EPB41: variants seen among roughly 807,000 people sequenced by gnomAD.
EPB41 encodes erythrocyte membrane protein band 4.1.
A neutral mutation model predicts 108.0 loss-of-function variants in EPB41; 65 were observed. The ratio of observed to expected loss-of-function variants is 0.60; its 90% CI spans 0.49 to 0.74. The LOEUF is 0.74. Among genes scored for constraint, EPB41 ranks in the 30% least tolerant of loss-of-function variants. The pLI, the probability that EPB41 is intolerant of heterozygous loss-of-function variation, is 0.00. For missense variants in EPB41, 875 were observed against 1,037.0 expected (o/e 0.84, Z 2.15); for synonymous variants, 336 against 358.9 (o/e 0.94, Z 0.72).
chr1:28,943,378 C>T (rs954838338), intron 1 of EPB41, among the ~76,000 whole-genome samples: 3 of 152,128 alleles, frequency 2.0e-5, no homozygotes, highest in Admixed American at 1.3e-4. Flanking sequence ...TGAGGCCGGG[C>T]GCTGTGGCTC....
At position 28,942,015 on chromosome 1, in the gene EPB41, G is replaced by A. The variant is rs372932346; in HGVS notation, c.-8+27247G>A. On this transcript the variant is annotated intron_variant, in intron 1 of 20. Transcript: ENST00000343067. ...TAAAGACCAAAACTAAAAATTACCC[G>A]TAATCCTATTAATGCTAATACTATA... Among the ~76,000 whole-genome samples, 39 of 151,632 alleles carry A rather than the reference G, an allele frequency of 2.6e-4. No individual in the cohort carries two copies. In the South Asian group the frequency reaches 3.3e-3, roughly 13 times the overall value.
upstream of EPB41, among the ~76,000 whole-genome samples, chr1:28,912,525 G>A (rs1466424791): frequency 6.6e-6 from 1 of 152,074 alleles, no homozygotes; most frequent in Non-Finnish European, 1.5e-5. Context: ...TTTAGTCTCT[G>A]AATAGTAATA....
rs1671406823 is a variant in EPB41, at chr1:29,118,833, G to A, written c.*2021G>A. The A allele has an allele frequency of 6.6e-6, 1 of 152,200 alleles. No homozygotes were observed. The allele number at this position is 152,200 out of a possible 1,614,324, so 9.4% of individuals were successfully genotyped here. A position where few individuals can be genotyped will look rare whatever the true frequency, so the allele number is the denominator to read the frequency against. ...GGTAGTGCCCAAGCCTGGTCGTGTT[G>A]CCAGGAGTGGTGACAAGAAATGCAG... On this transcript the variant is annotated 3_prime_UTR_variant, in exon 21 of 21. Transcript: ENST00000343067.
intron 16 of EPB41, among the ~76,000 whole-genome samples, chr1:29,078,600 A>T (rs1003084779): frequency 6.6e-6 from 1 of 152,002 alleles, no homozygotes. Flanking sequence ...CCAAAAAAAA[A>T]TTAGCTGGGC....
chr1:29,106,563 G>GGTTTTT (rs1558324414), intron 17 of EPB41, among the ~76,000 whole-genome samples: 3 of 37,148 alleles, frequency 8.1e-5, no homozygotes, highest in South Asian at 9.6e-4. Context: ...GAGTAGCTGG[G>GGTTTTT]ATTTTTTTTT....
At chr1:28,988,194 A>G (rs2149527540) in intron 2 of EPB41, among the ~76,000 whole-genome samples, 1 of 152,282 alleles carries the variant, frequency 6.6e-6, no homozygotes, top group East Asian at 1.9e-4. Context: ...CGGGAGGCGG[A>G]GGCTGCAGTG....
At chr1:29,002,378 G>A (rs2096311209) in intron 4 of EPB41, among the ~76,000 whole-genome samples, 1 of 151,782 alleles carries the variant, frequency 6.6e-6, no homozygotes, top group African/African-American at 2.4e-5. Flanking sequence ...CCTGAGCCTG[G>A]GAAGGTGAGG....
intron 1 of EPB41, among the ~76,000 whole-genome samples, chr1:28,896,422 G>A (rs1037373806): frequency 1.3e-5 from 2 of 152,180 alleles, no homozygotes; most frequent in African/African-American, 4.8e-5. Context: ...CCCTTTTCTA[G>A]TCATCTGCTT....
At position 28,987,546 on chromosome 1, in the gene EPB41, G is replaced by A. The variant is rs1457369414; in HGVS notation, c.109G>A (p.Glu37Lys). 5 of 1,614,046 alleles carry A rather than the reference G, an allele frequency of 3.1e-6. No individual in the cohort carries two copies. The African/African-American group carries it at 6.7e-5, about 22-fold the overall frequency. Residue 37 changes from glutamate to lysine, a missense_variant, in exon 2 of 21, where the codon GAA becomes AAA. Physicochemically the swap from Glu to Lys is moderately conservative, Grantham distance 56. This residue lies in a region of EPB41 where 353 missense variants were observed against 393.2 expected (regional missense o/e 0.90). Transcript: ENST00000343067. Reference sequence around the variant, plus strand: ...AGGCCAACAAGAACCTCAGCAGGAGGAATCTTGTCAAACAGCAGCTGAAGG... The same window carrying A: ...AGGCCAACAAGAACCTCAGCAGGAGAAATCTTGTCAAACAGCAGCTGAAGG... ...NSGQQEPQQE[E>K]SCQTAAEGDN...
Position 29,018,185 on chromosome 1 carries a change from T to C in EPB41, c.906-39T>C, listed in dbSNP as rs1298927497. 6.4e-7 allele frequency: 1 copy of C among 1,571,704 alleles called. No homozygotes were observed. The highest frequency in any genetic ancestry group is 8.8e-7 in the Non-Finnish European group (1 of 1,141,938). On this transcript the variant is annotated intron_variant, in intron 6 of 20. Coordinates refer to ENST00000343067, the MANE Select transcript of EPB41 (RefSeq NM_001376013.1). The surrounding 1 kb of genome is among the most constrained non-coding windows in gnomAD (Gnocchi z 4.4). ...TTTTTCTCTCTTTATATTTTGTTGTTGTTGTTGCTGACATAACATTTTTCT... is the reference window on the plus strand; with the variant it reads ...TTTTTCTCTCTTTATATTTTGTTGTCGTTGTTGCTGACATAACATTTTTCT...
At chr1:28,945,882 G>T (rs2094471567) in intron 1 of EPB41, among the ~76,000 whole-genome samples, 1 of 152,226 alleles carries the variant, frequency 6.6e-6, no homozygotes, top group Admixed American at 6.5e-5. Context: ...CATTGTAGTA[G>T]TGCTGGTTAA....
intron 1 of EPB41, among the ~76,000 whole-genome samples, chr1:28,909,489 AAAAT>A (rs1439167534): frequency 2.6e-5 from 4 of 151,592 alleles, no homozygotes; most frequent in Non-Finnish European, 5.9e-5. Flanking sequence ...AATAAATAAT[AAAAT>A]AAATAAAAAA....
intron 16 of EPB41, among the ~76,000 whole-genome samples, chr1:29,077,907 A>T (rs1420629624): frequency 6.6e-6 from 1 of 152,218 alleles, no homozygotes; most frequent in Non-Finnish European, 1.5e-5. Flanking sequence ...TGTAAATACC[A>T]TTCTTAGCTC....
At position 28,945,604 on chromosome 1, in the gene EPB41, G is replaced by C. The variant is rs141267500; in HGVS notation, c.-8+30836G>C. 4.3e-4 allele frequency among the ~76,000 whole-genome samples: 65 copies of C among 152,260 alleles called. No homozygotes were observed. The East Asian group carries it at 0.011, about 27-fold the overall frequency. ...AGGAAGGAAGGTATTGTGGAGCAGT[G>C]AATATATTAAGTATAAGTGTTTAAT... is the stretch of plus-strand genomic sequence containing the variant. On this transcript the variant is annotated intron_variant, in intron 1 of 20. Coordinates refer to ENST00000343067, the MANE Select transcript of EPB41 (RefSeq NM_001376013.1).
chr1:28,968,783 G>A (rs780740532), intron 1 of EPB41, among the ~76,000 whole-genome samples: 2 of 152,090 alleles, frequency 1.3e-5, no homozygotes, highest in African/African-American at 4.8e-5. Flanking sequence ...GGCCAACATG[G>A]TGAGACCCCC....
At chr1:29,109,908 C>T (rs893335802) in intron 18 of EPB41, among the ~76,000 whole-genome samples, 1 of 152,164 alleles carries the variant, frequency 6.6e-6, no homozygotes, top group Non-Finnish European at 1.5e-5. Context: ...GCGGCATACA[C>T]CTGTAGTCCC....
chr1:29,016,088 T>C (rs994031990), intron 6 of EPB41, among the ~76,000 whole-genome samples: 17 of 152,314 alleles, frequency 1.1e-4, no homozygotes, highest in African/African-American at 3.8e-4. Flanking sequence ...GACACAAATA[T>C]AGTGGTAAAA....
rs543467685 is a variant in EPB41, at chr1:29,040,226, A to G, written c.1636+800A>G. ...AATAAATAAATAATAGCTATTTTCT[A>G]TAGTAGAAAAGAGGAAAAGGGTCTG... On this transcript the variant is annotated intron_variant, in intron 11 of 20. Coordinates refer to ENST00000343067, the MANE Select transcript of EPB41 (RefSeq NM_001376013.1). Among the ~76,000 whole-genome samples, 22 of 152,204 alleles carry G rather than the reference A, an allele frequency of 1.4e-4. No homozygotes were observed. In the Middle Eastern group the frequency reaches 0.014, roughly 94 times the overall value.
At chr1:28,982,472 C>G in intron 1 of EPB41, 1 of 791,268 alleles carries the variant, frequency 1.3e-6, no homozygotes, top group Non-Finnish European at 2.3e-6. Context: ...GGGTAGTGGT[C>G]AATTCCAGAC....
Sources: allele counts gnomAD v4.1 joint callset (sites outside exome capture counted in the v4.1 genomes callset), GRCh38; gene constraint gnomAD v4.1.1; regional missense constraint gnomAD v4.1.1; non-coding constraint Gnocchi (gnomAD v3.1); transcripts MANE v1.5; gene names NCBI Gene and HGNC (gene_info 2026-07-23, HGNC 2026-07-21).